Variants in DPYD observed in about 807,000 individuals in gnomAD.
DPYD encodes the protein dihydropyrimidine dehydrogenase.
In DPYD, 109 loss-of-function variants were observed where a neutral mutation model predicts 116.2. The ratio of observed to expected loss-of-function variants is 0.94; its 90% CI spans 0.80 to 1.10. DPYD has a LOEUF of 1.10. Among genes scored for constraint, DPYD ranks in the 50% least tolerant of loss-of-function variants. The probability of loss-of-function intolerance (pLI) is 0.00; values close to 1 mark genes in which losing one functional copy is unlikely to be tolerated. For missense variants in DPYD, 1,302 were observed against 1,254.5 expected, an observed-to-expected ratio of 1.04 and a Z score of -0.57; for synonymous variants, 440 against 432.0, an observed-to-expected ratio of 1.02 and a Z score of -0.23.
chr1:97,350,175 T>A (rs1024811414), intron 16 of DPYD, among the ~76,000 whole-genome samples: 1 of 151,952 alleles, frequency 6.6e-6, no homozygotes, highest in Non-Finnish European at 1.5e-5. Context: ...CATGGGAAAA[T>A]TGAAATCTGC....
chr1:97,107,843 AAAG>A (rs1198179364), intron 20 of DPYD, among the ~76,000 whole-genome samples: 1 of 152,146 alleles, frequency 6.6e-6, no homozygotes, highest in Non-Finnish European at 1.5e-5. Context: ...TTATTTATTT[AAAG>A]AAGCATACTA....
intron 16 of DPYD, among the ~76,000 whole-genome samples, chr1:97,353,228 G>A (rs1670241904): frequency 6.6e-6 from 1 of 152,110 alleles, no homozygotes; most frequent in Non-Finnish European, 1.5e-5. Flanking sequence ...ATGGTCACTC[G>A]CTGCCAGGCT....
chr1:97,234,221 T>A (rs567785322), intron 19 of DPYD, among the ~76,000 whole-genome samples: 1 of 152,158 alleles, frequency 6.6e-6, no homozygotes, highest in Non-Finnish European at 1.5e-5. Flanking sequence ...ACTAAGCCCA[T>A]GTTGAGCAAC....
At chr1:97,441,062 T>A (rs1675767409) in intron 14 of DPYD, among the ~76,000 whole-genome samples, 1 of 152,206 alleles carries the variant, frequency 6.6e-6, no homozygotes, top group Non-Finnish European at 1.5e-5. Flanking sequence ...AACTGTTACA[T>A]GTGTTTTTCT....
At chr1:97,591,489 T>C (rs1314994942) in intron 10 of DPYD, among the ~76,000 whole-genome samples, 1 of 152,172 alleles carries the variant, frequency 6.6e-6, no homozygotes, top group Non-Finnish European at 1.5e-5. Context: ...AATGAATGAA[T>C]GAATAAATAA....
At chr1:97,145,694 C>T (rs752360178) in intron 20 of DPYD, among the ~76,000 whole-genome samples, 46 of 151,264 alleles carry the variant, frequency 3.0e-4, no homozygotes, top group Non-Finnish European at 1.0e-4. Context: ...ATAACCAGGC[C>T]GTTTTCCTAA....
At chr1:97,611,606 AT>A (rs1655957316) in intron 8 of DPYD, among the ~76,000 whole-genome samples, 1 of 152,020 alleles carries the variant, frequency 6.6e-6, no homozygotes, top group African/African-American at 2.4e-5. Context: ...AACATTTCCA[AT>A]TCCACATCAT....
At chr1:97,677,059 A>T (rs747426084) in intron 8 of DPYD, among the ~76,000 whole-genome samples, 6 of 152,186 alleles carry the variant, frequency 3.9e-5, no homozygotes, top group African/African-American at 4.8e-5. Flanking sequence ...TAATATACTT[A>T]AGGGGACTTA....
chr1:97,373,470 T>C (rs1026743293), intron 16 of DPYD, 91 bp downstream of exon 16: 1 of 1,074,882 alleles, frequency 9.3e-7, no homozygotes, highest in Non-Finnish European at 1.4e-6. Context: ...ATCTGATCCA[T>C]GCATCTCCTT....
At chr1:97,327,547 G>T (rs940479591) in intron 16 of DPYD, among the ~76,000 whole-genome samples, 1 of 151,626 alleles carries the variant, frequency 6.6e-6, no homozygotes, top group Admixed American at 6.6e-5. Context: ...AATTAAAAAG[G>T]TCTATTTCCT....
At chr1:97,411,894 C>T (rs1237435135) in intron 14 of DPYD, among the ~76,000 whole-genome samples, 2 of 152,070 alleles carry the variant, frequency 1.3e-5, no homozygotes, top group African/African-American at 4.8e-5. Context: ...ACAGAGTGTA[C>T]AACAAGTTCC....
intron 3 of DPYD, among the ~76,000 whole-genome samples, chr1:97,770,649 C>T (rs1027405583): frequency 3.3e-5 from 5 of 152,088 alleles, no homozygotes; most frequent in Admixed American, 3.3e-4. Flanking sequence ...ATATAGATTC[C>T]ATACAGGCTG....
chr1:97,805,161 G>T (rs553372245), intron 3 of DPYD, among the ~76,000 whole-genome samples: 5 of 151,994 alleles, frequency 3.3e-5, no homozygotes, highest in Admixed American at 3.3e-4. Context: ...TGAATTTGGG[G>T]ATTGAAATGT....
chr1:97,766,571 C>T (rs1287963144), intron 3 of DPYD, among the ~76,000 whole-genome samples: 1 of 152,074 alleles, frequency 6.6e-6, no homozygotes, highest in Non-Finnish European at 1.5e-5. Context: ...GGCCGTAAAA[C>T]CCTTTGTTAA....
chr1:97,785,483 G>A (rs1403349251), intron 3 of DPYD, among the ~76,000 whole-genome samples: 1 of 151,980 alleles, frequency 6.6e-6, no homozygotes, highest in East Asian at 1.9e-4. Flanking sequence ...ACATATTTGT[G>A]ATTTGAAGCT....
intron 20 of DPYD, among the ~76,000 whole-genome samples, chr1:97,107,655 G>A (rs911988827): frequency 1.3e-5 from 2 of 152,134 alleles, no homozygotes; most frequent in African/African-American, 2.4e-5. Flanking sequence ...GAATATCCAT[G>A]AGTTGGGTAT....
intron 16 of DPYD, among the ~76,000 whole-genome samples, chr1:97,310,436 A>C (rs1407223077): frequency 6.6e-6 from 1 of 151,846 alleles, no homozygotes; most frequent in Non-Finnish European, 1.5e-5. Context: ...GAAGGCTTCT[A>C]CTTCACTTAT....
At chr1:97,657,495 T>C (rs768613648) in intron 8 of DPYD, among the ~76,000 whole-genome samples, 9 of 152,200 alleles carry the variant, frequency 5.9e-5, no homozygotes, top group Non-Finnish European at 1.2e-4. Context: ...TATGGGCAAA[T>C]GTAATATAAA....
intron 8 of DPYD, among the ~76,000 whole-genome samples, chr1:97,616,630 C>T (rs1448882159): frequency 6.6e-6 from 1 of 152,080 alleles, no homozygotes; most frequent in Non-Finnish European, 1.5e-5. Context: ...CGTCTCTAAC[C>T]ATGTAGCTCA....
Sources: gnomAD v4.1 joint callset for allele counts (sites outside exome capture counted in the v4.1 genomes callset) on GRCh38, gnomAD v4.1.1 for gene constraint, MANE v1.5 for transcripts, NCBI Gene and HGNC (gene_info 2026-07-23, HGNC 2026-07-21) for gene names.